Variants in BNC2 observed in about 807,000 individuals in gnomAD.
The protein encoded by BNC2 is basonuclin zinc finger protein 2.
BNC2 carries 20 observed loss-of-function variants against 76.3 expected under a neutral mutation model. The observed-to-expected ratio is 0.26, with a 90% confidence interval of 0.18 to 0.38. The LOEUF (loss-of-function observed/expected upper bound fraction) is 0.38. BNC2 is among the 10% of genes least tolerant of loss of function. The pLI is 1.00. For missense variants in BNC2, 1,382 were observed against 1,399.8 expected (o/e 0.99, Z 0.20); for synonymous variants, 582 against 514.8 (o/e 1.13, Z -1.77).
intron 5 of BNC2, among the ~76,000 whole-genome samples, chr9:16,549,566 C>T (rs1818596542): frequency 6.6e-6 from 1 of 152,152 alleles, no homozygotes; most frequent in Admixed American, 6.5e-5. Context: ...ACGCCATATA[C>T]AATTATATTC....
intron 3 of BNC2, among the ~76,000 whole-genome samples, chr9:16,656,265 T>G (rs570554761): frequency 6.6e-6 from 1 of 152,230 alleles, no homozygotes; most frequent in South Asian, 2.1e-4. Context: ...AAGGGAGAAC[T>G]CTACTCACCC....
intron 5 of BNC2, among the ~76,000 whole-genome samples, chr9:16,538,010 TGAA>T (rs1009773393): frequency 6.6e-6 from 1 of 152,232 alleles, no homozygotes; most frequent in Non-Finnish European, 1.5e-5. Context: ...AAAACATTTA[TGAA>T]GAAGTTTACA....
intron 4 of BNC2, among the ~76,000 whole-genome samples, chr9:16,563,475 T>C (rs1423196980): frequency 6.6e-6 from 1 of 152,054 alleles, no homozygotes; most frequent in Non-Finnish European, 1.5e-5. Flanking sequence ...AAATTATAAA[T>C]CATTATTTGA....
At chr9:16,443,498 C>A (rs1005078665) in intron 5 of BNC2, among the ~76,000 whole-genome samples, 1 of 151,592 alleles carries the variant, frequency 6.6e-6, no homozygotes, top group African/African-American at 2.4e-5. Context: ...GCCTACCTAG[C>A]TTAAGTATTC....
intron 1 of BNC2, among the ~76,000 whole-genome samples, chr9:16,760,016 C>CG (rs1481711160): frequency 6.6e-6 from 1 of 152,090 alleles, no homozygotes; most frequent in Non-Finnish European, 1.5e-5. Context: ...AGCCACCGCG[C>CG]GGGGCCAGAG....
At chr9:16,825,817 A>C (rs1179977626) in intron 1 of BNC2, among the ~76,000 whole-genome samples, 1 of 152,160 alleles carries the variant, frequency 6.6e-6, no homozygotes, top group Non-Finnish European at 1.5e-5. Context: ...ATGTTCATTA[A>C]ATTGTGAAAA....
chr9:16,618,733 T>C (rs575685552), intron 3 of BNC2, among the ~76,000 whole-genome samples: 141 of 152,304 alleles, frequency 9.3e-4, no homozygotes, highest in Non-Finnish European at 8.5e-4. Context: ...AGTTAAGTTA[T>C]GCATTCTCAG....
At chr9:16,421,673 C>T (rs1381102279) in intron 6 of BNC2, among the ~76,000 whole-genome samples, 1 of 152,170 alleles carries the variant, frequency 6.6e-6, no homozygotes, top group Admixed American at 6.5e-5. Flanking sequence ...TCCTTGGTGT[C>T]AGATGGCAGA....
intron 4 of BNC2, among the ~76,000 whole-genome samples, chr9:16,563,416 C>A (rs1020712562): frequency 4.0e-5 from 6 of 151,502 alleles, no homozygotes; most frequent in African/African-American, 1.5e-4. Context: ...GCCAAGAGTT[C>A]GAGACCAGCC....
intron 3 of BNC2, among the ~76,000 whole-genome samples, chr9:16,599,578 G>A (rs1174722921): frequency 1.3e-5 from 2 of 152,144 alleles, no homozygotes; most frequent in Non-Finnish European, 2.9e-5. Context: ...GAGGTCAGAA[G>A]TTCAACACCA....
intron 3 of BNC2, among the ~76,000 whole-genome samples, chr9:16,726,017 C>T (rs932333124): frequency 1.3e-5 from 2 of 150,070 alleles, no homozygotes; most frequent in Admixed American, 6.7e-5. Flanking sequence ...CACACACACA[C>T]GACCTCCACT....
chr9:16,745,281 T>A (rs190969658), intron 1 of BNC2, among the ~76,000 whole-genome samples: 1 of 152,304 alleles, frequency 6.6e-6, no homozygotes, highest in Admixed American at 6.5e-5. Context: ...GCTTCAGATG[T>A]GTTTTGCTTG....
At chr9:16,421,688 T>C (rs1468609832) in intron 6 of BNC2, among the ~76,000 whole-genome samples, 1 of 152,206 alleles carries the variant, frequency 6.6e-6, no homozygotes, top group Non-Finnish European at 1.5e-5. Context: ...GGCAGATGAC[T>C]CCAAGTGCAG....
intron 1 of BNC2, among the ~76,000 whole-genome samples, chr9:16,858,582 C>A (rs538981287): frequency 2.0e-5 from 3 of 152,150 alleles, no homozygotes; most frequent in Admixed American, 6.5e-5. Flanking sequence ...CGGTGGCTCA[C>A]GCCTGTAATC....
intron 5 of BNC2, among the ~76,000 whole-genome samples, chr9:16,537,320 G>T (rs890076234): frequency 1.3e-5 from 2 of 151,864 alleles, no homozygotes; most frequent in Non-Finnish European, 2.9e-5. Context: ...AATCGCACTC[G>T]AAACACTATA....
intron 5 of BNC2, among the ~76,000 whole-genome samples, chr9:16,504,365 A>ATG: frequency 1.3e-5 from 2 of 152,010 alleles, no homozygotes; most frequent in Admixed American, 6.5e-5. Flanking sequence ...CCAAGTCCAC[A>ATG]TATTCTGAAA....
intron 3 of BNC2, among the ~76,000 whole-genome samples, chr9:16,605,947 GC>G (rs1264617436): frequency 2.6e-5 from 4 of 152,002 alleles, no homozygotes; most frequent in Non-Finnish European, 5.9e-5. Flanking sequence ...ACACCACCAT[GC>G]CTGGCTAACC....
chr9:16,682,406 C>T (rs370745013), intron 3 of BNC2, among the ~76,000 whole-genome samples: 5 of 151,646 alleles, frequency 3.3e-5, no homozygotes, highest in Admixed American at 2.0e-4. Context: ...CCGAGCTCAT[C>T]TCCGTGATTC....
intron 5 of BNC2, among the ~76,000 whole-genome samples, chr9:16,488,283 A>G (rs1444145210): frequency 6.6e-6 from 1 of 152,192 alleles, no homozygotes; most frequent in African/African-American, 2.4e-5. Flanking sequence ...TAAAATATTA[A>G]CAACTCATAA....
Sources: gnomAD v4.1 joint callset for allele counts (sites outside exome capture counted in the v4.1 genomes callset) on GRCh38, gnomAD v4.1.1 for gene constraint, MANE v1.5 for transcripts, NCBI Gene and HGNC (gene_info 2026-07-23, HGNC 2026-07-21) for gene names.